PPP1R12A: variants seen among roughly 807,000 people sequenced by gnomAD.
PPP1R12A encodes myosin binding subunit.
In PPP1R12A, 19 loss-of-function variants were observed where a neutral mutation model predicts 139.6. The ratio of observed to expected loss-of-function variants is 0.14; its 90% CI spans 0.09 to 0.20. The LOEUF (loss-of-function observed/expected upper bound fraction) is 0.20. PPP1R12A is among the 10% of genes least tolerant of loss of function. The probability of loss-of-function intolerance (pLI) is 1.00; values close to 1 mark genes in which losing one functional copy is unlikely to be tolerated. For synonymous variants in PPP1R12A, 427 were observed against 420.6 expected (o/e 1.02, Z -0.19); for missense variants, 925 against 1,211.5 (o/e 0.76, Z 3.51).
intron 1 of PPP1R12A, among the ~76,000 whole-genome samples, chr12:79,918,943 C>T (rs1382395137): frequency 6.6e-6 from 1 of 151,928 alleles, no homozygotes; most frequent in Non-Finnish European, 1.5e-5. Flanking sequence ...CGGCGAAACC[C>T]CGTCTCTACT....
chr12:79,890,966 T>G (rs1040056376), intron 1 of PPP1R12A, among the ~76,000 whole-genome samples: 1 of 121,930 alleles, frequency 8.2e-6, no homozygotes, highest in African/African-American at 2.9e-5. Context: ...CTCTCTCTCT[T>G]TCTCTCTCTC....
chr12:79,821,303 T>C, intron 6 of PPP1R12A, 137 bp from the exon 7 acceptor site: 1 of 613,454 alleles, frequency 1.6e-6, no homozygotes. Flanking sequence ...AATTAAGTTT[T>C]ACCTGAAAAG....
chr12:79,821,978 T>G, intron 6 of PPP1R12A, 138 bp downstream of exon 6: 1 of 576,780 alleles, frequency 1.7e-6, no homozygotes, highest in Non-Finnish European at 3.0e-6. Context: ...CTTTATTCTC[T>G]TTCACTATCA....
intron 1 of PPP1R12A, among the ~76,000 whole-genome samples, chr12:79,896,605 T>C (rs1885154316): frequency 6.6e-6 from 1 of 152,224 alleles, no homozygotes; most frequent in African/African-American, 2.4e-5. Flanking sequence ...AGTGCTGAGA[T>C]TAAGGCGTAA....
intron 1 of PPP1R12A, among the ~76,000 whole-genome samples, chr12:79,919,792 G>C (rs1269773265): frequency 6.6e-6 from 1 of 152,094 alleles, no homozygotes; most frequent in Non-Finnish European, 1.5e-5. Flanking sequence ...GCTGAGGCTG[G>C]GGGACTGATA....
intron 1 of PPP1R12A, among the ~76,000 whole-genome samples, chr12:79,887,318 AG>A (rs536047522): frequency 2.5e-4 from 37 of 147,288 alleles, no homozygotes; most frequent in African/African-American, 9.8e-4. Context: ...TCTCCTGGCT[AG>A]ATTATAGTTC....
At chr12:79,844,657 A>G (rs868177440) in intron 3 of PPP1R12A, among the ~76,000 whole-genome samples, 45 of 152,210 alleles carry the variant, frequency 3.0e-4, no homozygotes, top group Middle Eastern at 3.2e-3. Flanking sequence ...TTCTAAAAGT[A>G]TAACAAATCA....
At chr12:79,808,876 A>G (rs955851517) in intron 10 of PPP1R12A, among the ~76,000 whole-genome samples, 3 of 152,172 alleles carry the variant, frequency 2.0e-5, no homozygotes, top group Admixed American at 6.5e-5. Context: ...ATACTGTGTC[A>G]TAAGCTGAAA....
At chr12:79,913,984 CTTAA>C (rs1289957731) in intron 1 of PPP1R12A, 2 of 152,012 alleles carry the variant, frequency 1.3e-5, no homozygotes, top group African/African-American at 4.8e-5. Flanking sequence ...ATTCAGCTGT[CTTAA>C]TTAAGACATT....
intron 14 of PPP1R12A, among the ~76,000 whole-genome samples, chr12:79,800,810 T>G (rs1431468792): frequency 1.3e-5 from 2 of 151,058 alleles, no homozygotes; most frequent in Admixed American, 6.6e-5. Flanking sequence ...CTTGGCTCAC[T>G]GCAAGCTTTG....
At chr12:79,934,104 G>C (rs953564747) in intron 1 of PPP1R12A, among the ~76,000 whole-genome samples, 1 of 152,006 alleles carries the variant, frequency 6.6e-6, no homozygotes, top group African/African-American at 2.4e-5. Context: ...ATTACACCCT[G>C]TTTTCCCCTC....
chr12:79,820,455 A>G (rs1592666347), intron 8 of PPP1R12A, among the ~76,000 whole-genome samples: 1 of 152,174 alleles, frequency 6.6e-6, no homozygotes, highest in East Asian at 1.9e-4. Flanking sequence ...TGGACCTCAG[A>G]AGGAACAGGA....
At chr12:79,843,518 G>A (rs932629508) in intron 3 of PPP1R12A, among the ~76,000 whole-genome samples, 5 of 151,840 alleles carry the variant, frequency 3.3e-5, no homozygotes, top group Non-Finnish European at 7.4e-5. Flanking sequence ...GGCAGAGGTT[G>A]CAGTGAACCC....
At chr12:79,855,058 C>T (rs1007884740) in intron 2 of PPP1R12A, among the ~76,000 whole-genome samples, 7 of 151,950 alleles carry the variant, frequency 4.6e-5, no homozygotes, top group Admixed American at 1.3e-4. Context: ...GCGCTATCTC[C>T]GCTCACTGTA....
Position 79,774,816 on chromosome 12 carries a change from T to C in PPP1R12A, c.*1113A>G, listed in dbSNP as rs1592592453. 2 of 152,522 alleles carry C rather than the reference T, an allele frequency of 1.3e-5. No individual in the cohort carries two copies. Among genetic ancestry groups the C allele is most frequent in the Admixed American group, 6.6e-5 (1 of 15,266 alleles). 9.4% of individuals were successfully genotyped at this position (152,522 alleles called of 1,614,324 possible). The stretch of plus-strand genomic sequence containing the variant: ...CAGTTTTAGACAGCACTCAGATAAA[T>C]ATAGGTATGTGAAATGTAAAGCAAT... On this transcript the variant is annotated 3_prime_UTR_variant, in exon 25 of 25. Coordinates refer to ENST00000450142, the MANE Select transcript of PPP1R12A (RefSeq NM_002480.3).
chr12:79,791,602 A>G (rs1871870460), intron 19 of PPP1R12A, among the ~76,000 whole-genome samples: 1 of 152,200 alleles, frequency 6.6e-6, no homozygotes, highest in Admixed American at 6.5e-5. Context: ...TGTTGGGCTT[A>G]TAGGTGTGAG....
At chr12:79,911,485 C>A (rs912230091) in intron 1 of PPP1R12A, among the ~76,000 whole-genome samples, 1 of 152,108 alleles carries the variant, frequency 6.6e-6, no homozygotes, top group African/African-American at 2.4e-5. Flanking sequence ...AGAAAAAATA[C>A]CATTGAGTAC....
chr12:79,851,151 T>C (rs1879994678), intron 2 of PPP1R12A, among the ~76,000 whole-genome samples: 1 of 152,070 alleles, frequency 6.6e-6, no homozygotes, highest in Non-Finnish European at 1.5e-5. Flanking sequence ...TCTGAAAAAA[T>C]TACTCAAAGC....
intron 1 of PPP1R12A, among the ~76,000 whole-genome samples, chr12:79,925,758 A>G (rs1887791508): frequency 1.3e-5 from 2 of 152,236 alleles, no homozygotes; most frequent in East Asian, 1.9e-4. Context: ...GTTAGCCAGC[A>G]TAACAATGCA....
Sources: allele counts gnomAD v4.1 joint callset (sites outside exome capture counted in the v4.1 genomes callset), GRCh38; gene constraint gnomAD v4.1.1; transcripts MANE v1.5; gene names NCBI Gene and HGNC (gene_info 2026-07-23, HGNC 2026-07-21).